The following LARP4 variants were observed in gnomAD, a reference collection of about 807,000 sequenced individuals.
LARP4 encodes the protein la-related protein 4.
LARP4 carries 29 observed loss-of-function variants against 92.9 expected under a neutral mutation model. That is an observed-to-expected ratio of 0.31 (90% confidence interval 0.23 to 0.43). The LOEUF (loss-of-function observed/expected upper bound fraction) is 0.43, where lower values mean the gene tolerates loss of function less well. Ranked by LOEUF, LARP4 falls within the 20% of genes least tolerant of loss-of-function variation. The probability of loss-of-function intolerance (pLI) is 1.00; values close to 1 mark genes in which losing one functional copy is unlikely to be tolerated. For synonymous variants in LARP4, 279 were observed against 284.1 expected (o/e 0.98, Z 0.18); for missense variants, 732 against 860.0 (o/e 0.85, Z 1.86).
At chr12:50,406,047 G>C (rs1944773337) in intron 1 of LARP4, among the ~76,000 whole-genome samples, 1 of 152,004 alleles carries the variant, frequency 6.6e-6, no homozygotes, top group Non-Finnish European at 1.5e-5. Flanking sequence ...ATTTGTGATT[G>C]ATTGCTCCAC....
intron 13 of LARP4, among the ~76,000 whole-genome samples, chr12:50,468,546 C>G (rs1956485954): frequency 6.6e-6 from 1 of 152,060 alleles, no homozygotes; most frequent in South Asian, 2.1e-4. Flanking sequence ...ATCCGCCCGT[C>G]TCGGCCTCCC....
intron 13 of LARP4, among the ~76,000 whole-genome samples, chr12:50,469,340 T>TA (rs1555172931): frequency 6.6e-6 from 1 of 152,060 alleles, no homozygotes; most frequent in Non-Finnish European, 1.5e-5. Flanking sequence ...TGCGGTGGCT[T>TA]ACGCCTGTAA....
intron 6 of LARP4, among the ~76,000 whole-genome samples, chr12:50,438,407 G>C (rs961351349): frequency 1.3e-5 from 2 of 151,112 alleles, no homozygotes; most frequent in Non-Finnish European, 2.9e-5. Context: ...TGAGGCTGGA[G>C]AATGGTGTGA....
chr12:50,435,384 A>G, intron 4 of LARP4, 104 bp from the exon 5 acceptor site: 1 of 708,638 alleles, frequency 1.4e-6, no homozygotes, highest in East Asian at 2.7e-5. Flanking sequence ...TGATAGAATA[A>G]TCTTATTTCC....
chr12:50,424,624 C>T (rs2136935113), intron 1 of LARP4, among the ~76,000 whole-genome samples: 1 of 152,064 alleles, frequency 6.6e-6, no homozygotes, highest in East Asian at 2.0e-4. Flanking sequence ...TTCCAAAGTG[C>T]TGGGATTACA....
At chr12:50,411,337 T>C (rs1193703964) in intron 1 of LARP4, among the ~76,000 whole-genome samples, 2 of 151,974 alleles carry the variant, frequency 1.3e-5, no homozygotes, top group East Asian at 3.9e-4. Context: ...ACCTGCCTTT[T>C]TGTATTTTTA....
At chr12:50,401,341 G>C (rs1255691558) in intron 1 of LARP4, 2 of 358,264 alleles carry the variant, frequency 5.6e-6, no homozygotes, top group African/African-American at 4.2e-5. Context: ...GGCAGCATTG[G>C]GGGGTTGGGG....
At chr12:50,466,846 A>G (rs1235475217) in intron 12 of LARP4, 113 bp from the exon 13 acceptor site, 1 of 923,470 alleles carries the variant, frequency 1.1e-6, no homozygotes, top group Non-Finnish European at 1.7e-6. Flanking sequence ...AGTTCTGTGC[A>G]TTATAGAGGT....
At chr12:50,436,255 T>G (rs954835361) in intron 5 of LARP4, among the ~76,000 whole-genome samples, 2 of 151,426 alleles carry the variant, frequency 1.3e-5, no homozygotes, top group African/African-American at 4.9e-5. Context: ...TGTATATATA[T>G]ATATATCCTG....
chr12:50,450,945 G>T (rs1418558032), intron 8 of LARP4, among the ~76,000 whole-genome samples: 5 of 152,070 alleles, frequency 3.3e-5, no homozygotes, highest in Admixed American at 1.3e-4. Flanking sequence ...AACTGGTGAT[G>T]GACTGTTGGG....
intron 8 of LARP4, 112 bp from the exon 9 acceptor site, chr12:50,453,348 A>G: frequency 1.7e-6 from 1 of 594,438 alleles, no homozygotes; most frequent in Non-Finnish European, 2.9e-6. Flanking sequence ...TACTGATTCT[A>G]CTGTAGGCAG....
At chr12:50,475,392 G>A (rs1957435972) in intron 15 of LARP4, 134 bp from the exon 16 acceptor site, 1 of 690,862 alleles carries the variant, frequency 1.4e-6, no homozygotes, top group African/African-American at 1.8e-5. Flanking sequence ...ACTCTAAGCA[G>A]TATATATGAG....
chr12:50,444,493 A>G (rs1303935679), intron 8 of LARP4, among the ~76,000 whole-genome samples: 1 of 152,204 alleles, frequency 6.6e-6, no homozygotes, highest in Admixed American at 6.5e-5. Context: ...TATACCATTT[A>G]TTAAAATCAA....
At chr12:50,462,704 C>G in intron 12 of LARP4, 74 bp downstream of exon 12, 1 of 1,010,654 alleles carries the variant, frequency 9.9e-7, no homozygotes, top group Non-Finnish European at 1.5e-6. Context: ...TTCGGTCTTT[C>G]CTTTCTGGGT....
intron 1 of LARP4, 56 bp downstream of exon 1, chr12:50,401,084 G>A (rs950521540): frequency 6.3e-7 from 1 of 1,599,920 alleles, no homozygotes; most frequent in Non-Finnish European, 8.6e-7. Context: ...GTGTAGAGGC[G>A]CCGGCCGGTC....
chr12:50,466,336 G>A lies in LARP4; in HGVS notation c.1384-623G>A, dbSNP rs140814187. 2.2e-3 allele frequency among the ~76,000 whole-genome samples: 332 copies of A among 152,162 alleles called. 2 individuals carry two copies. Among genetic ancestry groups the A allele is most frequent in the African/African-American group, 7.3e-3 (305 of 41,504 alleles). On this transcript the variant is annotated intron_variant, in intron 12 of 15. Coordinates refer to ENST00000398473, the MANE Select transcript of LARP4 (RefSeq NM_052879.5). ...TAGATGGAGAAAGATGGTGATGGGC[G>A]GGCACAGTTGCTTAAGCCTGTAGTC...
chr12:50,432,676 A>T (rs901148306), intron 4 of LARP4, among the ~76,000 whole-genome samples: 30 of 152,024 alleles, frequency 2.0e-4, no homozygotes, highest in African/African-American at 7.2e-4. Flanking sequence ...CCTGACCAAC[A>T]TGGTGAAACC....
Position 50,475,701 on chromosome 12 carries a change from G to A in LARP4, c.2012G>A (p.Arg671Lys), listed in dbSNP as rs773506924. The A allele has an allele frequency of 9.9e-6, 16 of 1,613,996 alleles. No homozygotes were observed. The Admixed American group carries it at 2.3e-4, about 24-fold the overall frequency. The change falls in exon 16 of 16, where the codon AGG becomes AAG. Residue 671 changes from arginine to lysine, a missense_variant. By Grantham distance (26) the Arg-to-Lys change is conservative. Transcript: ENST00000398473. ...AAACCACATGAGAAGCCAGAAGCAA[G>A]GGCTAGTAAGGATTATTCTGGCTTC... ...VEKPHEKPEARASKDYSGFRG... is the reference protein window; with the variant it reads ...VEKPHEKPEAKASKDYSGFRG...
intron 6 of LARP4, among the ~76,000 whole-genome samples, chr12:50,439,106 T>G (rs1207213318): frequency 6.6e-6 from 1 of 152,060 alleles, no homozygotes; most frequent in Non-Finnish European, 1.5e-5. Context: ...CCTGGCTAAT[T>G]TTTGTACTTT....
Sources: gnomAD v4.1 joint callset for allele counts (sites outside exome capture counted in the v4.1 genomes callset) on GRCh38, gnomAD v4.1.1 for gene constraint, MANE v1.5 for transcripts, NCBI Gene and HGNC (gene_info 2026-07-23, HGNC 2026-07-21) for gene names.